OSBPL1A: variants seen among roughly 807,000 people sequenced by gnomAD.
OSBPL1A encodes the protein oxysterol binding protein like 1A.
OSBPL1A carries 80 observed loss-of-function variants against 137.1 expected under a neutral mutation model. That is an observed-to-expected ratio of 0.58 (90% CI 0.49 to 0.70). The LOEUF is 0.70. Among genes scored for constraint, OSBPL1A ranks in the 30% least tolerant of loss-of-function variants. OSBPL1A has a pLI of 0.00. For missense variants in OSBPL1A, 970 were observed against 1,129.4 expected, an observed-to-expected ratio of 0.86 and a Z score of 2.02; for synonymous variants, 365 against 389.7, an observed-to-expected ratio of 0.94 and a Z score of 0.75.
chr18:24,288,722 C>T (rs908332975), intron 14 of OSBPL1A, among the ~76,000 whole-genome samples: 5 of 150,340 alleles, frequency 3.3e-5, no homozygotes, highest in Admixed American at 2.7e-4. Flanking sequence ...GAGCCGAGAT[C>T]GGCCATTGCA....
chr18:24,225,685 G>A (rs559902979), intron 16 of OSBPL1A, among the ~76,000 whole-genome samples: 20 of 152,266 alleles, frequency 1.3e-4, no homozygotes, highest in Admixed American at 3.3e-4. Flanking sequence ...TAAAAAGGTC[G>A]GGTCAGTGGC....
At position 24,235,957 on chromosome 18, in the gene OSBPL1A, C is replaced by T. The variant is rs532085444; in HGVS notation, c.1444+3263G>A. Among the ~76,000 whole-genome samples, 23 of 152,266 alleles carry T rather than the reference C, an allele frequency of 1.5e-4. 1 individual carries two copies. The highest frequency in any genetic ancestry group is 4.8e-4 in the African/African-American group (20 of 41,560). ...AAGGGAAGGAGCAAGGCCAGAGTCA[C>T]GGGCAGTCAGAGAGAGACTTCCAGA... On this transcript the variant is annotated intron_variant, in intron 16 of 27. Transcript: ENST00000319481.
chr18:24,341,795 T>C lies in OSBPL1A; in HGVS notation c.283-137A>G. 5.8e-6 allele frequency: 3 copies of C among 515,034 alleles called. No individual in the cohort carries two copies. The South Asian group carries it at 1.0e-4, about 18-fold the overall frequency. 31.9% of individuals were successfully genotyped at this position (515,034 alleles called of 1,614,324 possible). On this transcript the variant is annotated intron_variant, in intron 4 of 27. Coordinates refer to ENST00000319481, the MANE Select transcript of OSBPL1A (RefSeq NM_080597.4). ...GTGAGAATGTATCACGTTATGTCTA[T>C]AATAAATGAGTGATTCAACTAATTG...
chr18:24,317,780 AG>A (rs1198785251), intron 9 of OSBPL1A, among the ~76,000 whole-genome samples: 13 of 152,250 alleles, frequency 8.5e-5, no homozygotes, highest in Admixed American at 7.8e-4. Context: ...ATAAGCATAC[AG>A]ATACATAAAT....
intron 15 of OSBPL1A, among the ~76,000 whole-genome samples, chr18:24,246,876 T>C (rs919969988): frequency 6.6e-6 from 1 of 150,414 alleles, no homozygotes; most frequent in Non-Finnish European, 1.5e-5. Context: ...AGAGAAATGA[T>C]GAGAAGTGGT....
At chr18:24,174,094 T>C (rs570940872) in intron 21 of OSBPL1A, among the ~76,000 whole-genome samples, 11 of 152,368 alleles carry the variant, frequency 7.2e-5, no homozygotes, top group East Asian at 3.9e-4. Flanking sequence ...GATTCCGCTG[T>C]ATGGATATGC....
chr18:24,211,382 C>G (rs1349044033), intron 17 of OSBPL1A, among the ~76,000 whole-genome samples: 1 of 152,196 alleles, frequency 6.6e-6, no homozygotes, highest in Admixed American at 6.5e-5. Flanking sequence ...GAAAGGATAA[C>G]TGGATTCTCA....
chr18:24,382,221 A>G (rs1366655605), intron 1 of OSBPL1A, among the ~76,000 whole-genome samples: 1 of 137,924 alleles, frequency 7.3e-6, no homozygotes, highest in Non-Finnish European at 1.5e-5. Flanking sequence ...CAACATGGTG[A>G]AAACGTCTCT....
intron 15 of OSBPL1A, among the ~76,000 whole-genome samples, chr18:24,253,273 A>G (rs1405132706): frequency 1.3e-5 from 2 of 152,046 alleles, no homozygotes; most frequent in Non-Finnish European, 2.9e-5. Context: ...ACGAAGGGAT[A>G]GAAAAAGACA....
At chr18:24,291,461 CAG>C (rs1203960547) in intron 14 of OSBPL1A, among the ~76,000 whole-genome samples, 1 of 151,862 alleles carries the variant, frequency 6.6e-6, no homozygotes, top group Non-Finnish European at 1.5e-5. Context: ...GAAAAGTACT[CAG>C]AATGCAACAG....
intron 12 of OSBPL1A, among the ~76,000 whole-genome samples, chr18:24,312,428 T>C (rs1262464551): frequency 6.6e-6 from 1 of 152,214 alleles, no homozygotes; most frequent in African/African-American, 2.4e-5. Flanking sequence ...GTTTTCAATA[T>C]TGAGAACCTG....
intron 26 of OSBPL1A, 134 bp downstream of exon 26, chr18:24,166,445 T>C: frequency 8.9e-7 from 1 of 1,117,384 alleles, no homozygotes; most frequent in Non-Finnish European, 1.2e-6. Flanking sequence ...AAATTGAATG[T>C]TAACTCAAAC....
chr18:24,187,450 C>T (rs2086781171), intron 18 of OSBPL1A, among the ~76,000 whole-genome samples: 1 of 152,128 alleles, frequency 6.6e-6, no homozygotes, highest in African/African-American at 2.4e-5. Flanking sequence ...GCTCTGAGAT[C>T]AAACTTCCTG....
chr18:24,233,260 C>G (rs1298033530), intron 16 of OSBPL1A, among the ~76,000 whole-genome samples: 1 of 152,174 alleles, frequency 6.6e-6, no homozygotes, highest in African/African-American at 2.4e-5. Context: ...TTAGTTTTCT[C>G]TCCTTTAACT....
intron 7 of OSBPL1A, among the ~76,000 whole-genome samples, chr18:24,320,619 A>C (rs556555051): frequency 6.6e-4 from 100 of 152,338 alleles, no homozygotes; most frequent in Non-Finnish European, 1.1e-3. Context: ...AGACTTTTGT[A>C]AGCCAGCATA....
At chr18:24,315,721 T>TAATAAA (rs1362055925) in intron 11 of OSBPL1A, among the ~76,000 whole-genome samples, 1 of 123,124 alleles carries the variant, frequency 8.1e-6, no homozygotes, top group Admixed American at 1.0e-4. Flanking sequence ...ATATAATATA[T>TAATAAA]GTAATATATT....
intron 17 of OSBPL1A, among the ~76,000 whole-genome samples, chr18:24,204,457 C>T (rs2087312647): frequency 6.6e-6 from 1 of 151,922 alleles, no homozygotes; most frequent in Non-Finnish European, 1.5e-5. Context: ...GTACCATCTG[C>T]AGGTTAACAA....
chr18:24,220,912 C>T (rs1313807442), intron 17 of OSBPL1A, among the ~76,000 whole-genome samples: 2 of 151,946 alleles, frequency 1.3e-5, no homozygotes, highest in Admixed American at 1.3e-4. Flanking sequence ...TCCTAAGCAG[C>T]TGGGACTACA....
chr18:24,241,602 C>T (rs1160239466), intron 15 of OSBPL1A, among the ~76,000 whole-genome samples: 3 of 152,034 alleles, frequency 2.0e-5, no homozygotes, highest in African/African-American at 4.8e-5. Flanking sequence ...GTTAGAATGG[C>T]GATTATTAAA....
Sources: gnomAD v4.1 joint callset for allele counts (sites outside exome capture counted in the v4.1 genomes callset) on GRCh38, gnomAD v4.1.1 for gene constraint, MANE v1.5 for transcripts, NCBI Gene and HGNC (gene_info 2026-07-23, HGNC 2026-07-21) for gene names.